ANKRD11: variants seen among roughly 807,000 people sequenced by gnomAD.
The protein encoded by ANKRD11 is ankyrin repeat domain-containing protein 11.
ANKRD11 carries 17 observed loss-of-function variants against 195.7 expected under a neutral mutation model. The ratio of observed to expected loss-of-function variants is 0.09; its 90% CI spans 0.06 to 0.13. The LOEUF is 0.13. Ranked by LOEUF, ANKRD11 falls within the 10% of genes least tolerant of loss-of-function variation. The pLI, the probability that ANKRD11 is intolerant of heterozygous loss-of-function variation, is 1.00. For missense variants in ANKRD11, 3,735 were observed against 3,566.1 expected, an observed-to-expected ratio of 1.05 and a Z score of -1.21; for synonymous variants, 1,953 against 1,528.1, an observed-to-expected ratio of 1.28 and a Z score of -6.49.
intron 1 of ANKRD11, among the ~76,000 whole-genome samples, chr16:89,480,360 C>T (rs2057404494): frequency 2.0e-5 from 3 of 151,196 alleles, no homozygotes; most frequent in African/African-American, 7.3e-5. Flanking sequence ...GCCTGTAGTC[C>T]CAGCTACTCG....
At chr16:89,380,422 A>G (rs1186060213) in intron 2 of ANKRD11, among the ~76,000 whole-genome samples, 1 of 152,086 alleles carries the variant, frequency 6.6e-6, no homozygotes, top group East Asian at 1.9e-4. Context: ...CAATGATGCC[A>G]TTTTAACTCC....
intron 1 of ANKRD11, among the ~76,000 whole-genome samples, chr16:89,463,214 G>A (rs1226986500): frequency 1.3e-5 from 2 of 152,232 alleles, no homozygotes; most frequent in Admixed American, 6.5e-5. Context: ...TGACAGTGGC[G>A]GTTTTGTGGA....
At chr16:89,483,721 G>A (rs527623977) in intron 1 of ANKRD11, among the ~76,000 whole-genome samples, 2 of 151,940 alleles carry the variant, frequency 1.3e-5, no homozygotes, top group African/African-American at 2.4e-5. Flanking sequence ...CCAGCTACTC[G>A]GGAAGATGAG....
intron 3 of ANKRD11, among the ~76,000 whole-genome samples, chr16:89,311,476 G>A (rs1038966938): frequency 5.3e-5 from 8 of 151,928 alleles, no homozygotes; most frequent in African/African-American, 1.9e-4. Context: ...GAACCTCTAC[G>A]CTTACCTCAC....
chr16:89,336,373 C>G (rs1368357127), intron 2 of ANKRD11, among the ~76,000 whole-genome samples: 15 of 152,264 alleles, frequency 9.9e-5, no homozygotes. Flanking sequence ...TGTGCGTCCA[C>G]AGACAGCACA....
chr16:89,408,327 A>G (rs1227489451), intron 2 of ANKRD11, among the ~76,000 whole-genome samples: 4 of 152,254 alleles, frequency 2.6e-5, no homozygotes, highest in South Asian at 4.1e-4. Context: ...GGTGACCAGG[A>G]CAAAGAGGCG....
intron 2 of ANKRD11, among the ~76,000 whole-genome samples, chr16:89,376,330 T>C (rs749365463): frequency 6.6e-6 from 1 of 152,178 alleles, no homozygotes; most frequent in Non-Finnish European, 1.5e-5. Context: ...GCTTTAACAA[T>C]GTCAAGATAA....
At chr16:89,289,117 G>A (rs1461593712) in intron 6 of ANKRD11, 1 of 266,950 alleles carries the variant, frequency 3.7e-6, no homozygotes, top group Non-Finnish European at 7.3e-6. Flanking sequence ...CTCCAGGGGC[G>A]CCCAGGCTCG....
rs1038951200 is a variant in ANKRD11 at position 89,283,866 on chromosome 16, G to A, written c.2676C>T (p.Ser892=). 6.2e-7 allele frequency: 1 copy of A among 1,614,030 alleles called. No homozygotes were observed. The highest frequency in any genetic ancestry group is 8.5e-7 in the Non-Finnish European group (1 of 1,180,002). ...KEDSKERRRD[S]RAREKRDYRE... Reference sequence around the variant, plus strand: ...TGTAGTCTCGCTTCTCCCGGGCCCGGCTGTCCCGCCTCCTCTCCTTGCTGT... The same window carrying A: ...TGTAGTCTCGCTTCTCCCGGGCCCGACTGTCCCGCCTCCTCTCCTTGCTGT... Residue 892 remains serine (S), a synonymous_variant, in exon 9 of 13, where the codon AGC becomes AGT. Transcript: ENST00000301030. This position sits in a 1 kb window ranked among gnomAD's most constrained non-coding sequence, Gnocchi z 4.3.
At chr16:89,268,777 T>C (rs1310278919) in intron 12 of ANKRD11, 114 bp from the exon 13 acceptor site, 8 of 1,261,920 alleles carry the variant, frequency 6.3e-6, no homozygotes, top group Non-Finnish European at 8.9e-6. Flanking sequence ...GAACCTACCC[T>C]GGTATGGGCC....
chr16:89,464,823 AG>A (rs1260151844), intron 1 of ANKRD11, among the ~76,000 whole-genome samples: 1 of 152,194 alleles, frequency 6.6e-6, no homozygotes, highest in African/African-American at 2.4e-5. Flanking sequence ...CAAACTCTAC[AG>A]AAAGTCAGGA....
chr16:89,364,909 C>T (rs1365363197), intron 2 of ANKRD11, among the ~76,000 whole-genome samples: 1 of 152,226 alleles, frequency 6.6e-6, no homozygotes. Flanking sequence ...TCATCGAATG[C>T]TGAATACCTG....
At chr16:89,275,658 G>A (rs544000368) in intron 9 of ANKRD11, among the ~76,000 whole-genome samples, 2 of 152,282 alleles carry the variant, frequency 1.3e-5, no homozygotes, top group South Asian at 4.1e-4. Context: ...CAACCGAGCC[G>A]GTGGTCTTGC....
intron 2 of ANKRD11, chr16:89,343,894 C>G (rs1031823202): frequency 1.3e-5 from 2 of 152,256 alleles, no homozygotes; most frequent in African/African-American, 4.8e-5. Flanking sequence ...GTAGGGAAAA[C>G]GAAGGCACGT....
rs533541271 is a variant in ANKRD11, at chr16:89,393,568, C to T, written c.-60+24716G>A. 2.2e-3 allele frequency among the ~76,000 whole-genome samples: 332 copies of T among 151,240 alleles called. 2 individuals carry two copies. The highest frequency in any genetic ancestry group is 6.8e-3 in the Middle Eastern group (2 of 294). On this transcript the variant is annotated intron_variant, in intron 2 of 12. Coordinates refer to ENST00000301030, the MANE Select transcript of ANKRD11 (RefSeq NM_013275.6). ...GTTGCCCAGGCTGGTCTCGAACTCCCGACCTCAGAGTGATTTGCCCGCCTC... is the reference window on the plus strand; with the variant it reads ...GTTGCCCAGGCTGGTCTCGAACTCCTGACCTCAGAGTGATTTGCCCGCCTC...
At chr16:89,323,293 A>AGTGACACACCCT in intron 2 of ANKRD11, 1 of 1,288,900 alleles carries the variant, frequency 7.8e-7, no homozygotes, top group South Asian at 1.2e-5. Context: ...AAAGCCCTTG[A>AGTGACACACCCT]GTGACACACC....
At chr16:89,346,564 G>C (rs772956514) in intron 2 of ANKRD11, among the ~76,000 whole-genome samples, 1 of 152,234 alleles carries the variant, frequency 6.6e-6, no homozygotes, top group Non-Finnish European at 1.5e-5. Flanking sequence ...TGAAGTGACA[G>C]TGCAGTTCAG....
chr16:89,313,138 A>G (rs2036707812), intron 3 of ANKRD11, among the ~76,000 whole-genome samples: 1 of 152,174 alleles, frequency 6.6e-6, no homozygotes, highest in South Asian at 2.1e-4. Flanking sequence ...AGCTCAGGTG[A>G]CTGCTCGTCG....
At chr16:89,293,298 G>A (rs969797864) in intron 4 of ANKRD11, among the ~76,000 whole-genome samples, 6 of 152,120 alleles carry the variant, frequency 3.9e-5, no homozygotes, top group East Asian at 1.9e-4. Context: ...GGGAGCAGAC[G>A]GCATCTCCTT....
Sources: gnomAD v4.1 joint callset for allele counts (sites outside exome capture counted in the v4.1 genomes callset) on GRCh38, gnomAD v4.1.1 for gene constraint, Gnocchi (gnomAD v3.1) non-coding constraint, MANE v1.5 for transcripts, NCBI Gene and HGNC (gene_info 2026-07-23, HGNC 2026-07-21) for gene names.